The following SLC10A7 variants were observed in gnomAD, a reference collection of about 807,000 sequenced individuals.
SLC10A7 encodes the protein sodium/bile acid cotransporter 7.
SLC10A7 carries 29 observed loss-of-function variants against 43.2 expected under a neutral mutation model. The observed-to-expected ratio is 0.67, with a 90% confidence interval of 0.50 to 0.92. The LOEUF is 0.92. Among genes scored for constraint, SLC10A7 ranks in the 40% least tolerant of loss-of-function variants. The pLI is 0.00. For synonymous variants in SLC10A7, 152 were observed against 144.8 expected (o/e 1.05, Z -0.35); for missense variants, 295 against 403.2 (o/e 0.73, Z 2.30).
intron 4 of SLC10A7, among the ~76,000 whole-genome samples, chr4:146,498,460 G>GCA (rs755338153): frequency 6.6e-6 from 1 of 151,956 alleles, no homozygotes; most frequent in Non-Finnish European, 1.5e-5. Context: ...ACAATTACAT[G>GCA]CACACACACA....
chr4:146,393,798 T>C (rs1322328711), intron 5 of SLC10A7, among the ~76,000 whole-genome samples: 1 of 152,078 alleles, frequency 6.6e-6, no homozygotes, highest in Non-Finnish European at 1.5e-5. Context: ...AAATATAATC[T>C]GAATATAAAA....
intron 4 of SLC10A7, among the ~76,000 whole-genome samples, chr4:146,471,850 C>T (rs1009129334): frequency 6.6e-6 from 1 of 152,134 alleles, no homozygotes; most frequent in African/African-American, 2.4e-5. Context: ...AGGCCACACT[C>T]TTTTCACTAT....
At chr4:146,360,447 T>G (rs1245863091) in intron 5 of SLC10A7, among the ~76,000 whole-genome samples, 1 of 152,160 alleles carries the variant, frequency 6.6e-6, no homozygotes, top group East Asian at 1.9e-4. Flanking sequence ...CTTCTTCTTT[T>G]TTTTAATCTC....
Position 146,482,954 on chromosome 4 carries a change from A to G in SLC10A7, c.396+20895T>C, listed in dbSNP as rs74988100. On this transcript the variant is annotated intron_variant, in intron 4 of 11. Transcript: ENST00000335472. ...AATGATATATTCAAAGTACTGAAAG[A>G]AAAAAAAAACTGACAACCAAGAATA... Among the ~76,000 whole-genome samples, 131 of 148,094 alleles carry G rather than the reference A, an allele frequency of 8.8e-4. 1 individual carries two copies. In the South Asian group the frequency reaches 0.014, roughly 16 times the overall value.
At chr4:146,356,063 T>TATAC in intron 5 of SLC10A7, among the ~76,000 whole-genome samples, 1 of 147,458 alleles carries the variant, frequency 6.8e-6, no homozygotes, top group Non-Finnish European at 1.5e-5. Flanking sequence ...TATATATATA[T>TATAC]ATATACATAT....
intron 5 of SLC10A7, among the ~76,000 whole-genome samples, chr4:146,411,254 C>T (rs920533785): frequency 1.3e-5 from 2 of 152,116 alleles, no homozygotes; most frequent in African/African-American, 2.4e-5. Context: ...CTCATGTCAA[C>T]CTCTACAGAC....
intron 5 of SLC10A7, among the ~76,000 whole-genome samples, chr4:146,377,220 C>T (rs946466785): frequency 5.9e-5 from 9 of 152,028 alleles, no homozygotes; most frequent in African/African-American, 1.9e-4. Flanking sequence ...GAAGAGGAAC[C>T]TTTACTTTAC....
At chr4:146,393,800 A>T (rs1328805215) in intron 5 of SLC10A7, among the ~76,000 whole-genome samples, 1 of 152,128 alleles carries the variant, frequency 6.6e-6, no homozygotes, top group Non-Finnish European at 1.5e-5. Context: ...ATATAATCTG[A>T]ATATAAAATG....
At chr4:146,304,821 C>T (rs1332423652) in intron 7 of SLC10A7, among the ~76,000 whole-genome samples, 11 of 152,016 alleles carry the variant, frequency 7.2e-5, no homozygotes, top group East Asian at 1.9e-4. Flanking sequence ...CTTTCTGTCT[C>T]GTTGATCTGT....
At chr4:146,330,597 T>C (rs1733463914) in intron 5 of SLC10A7, among the ~76,000 whole-genome samples, 1 of 152,196 alleles carries the variant, frequency 6.6e-6, no homozygotes, top group Non-Finnish European at 1.5e-5. Flanking sequence ...GATGCATTCA[T>C]TCTGACAAGA....
At chr4:146,278,838 A>G (rs1161089731) in intron 10 of SLC10A7, among the ~76,000 whole-genome samples, 3 of 152,200 alleles carry the variant, frequency 2.0e-5, no homozygotes, top group Non-Finnish European at 4.4e-5. Context: ...GAACTGGAAC[A>G]GGAATCCAGA....
At chr4:146,338,645 A>C (rs1254630342) in intron 5 of SLC10A7, among the ~76,000 whole-genome samples, 1 of 152,002 alleles carries the variant, frequency 6.6e-6, no homozygotes, top group African/African-American at 2.4e-5. Flanking sequence ...TTGGGTGCAG[A>C]GTTAGTGGAA....
chr4:146,325,161 A>C, intron 6 of SLC10A7, among the ~76,000 whole-genome samples: 1 of 152,246 alleles, frequency 6.6e-6, no homozygotes, highest in East Asian at 1.9e-4. Context: ...TTACATTCCC[A>C]GAAACACATC....
rs140236013 is a variant in SLC10A7, at chr4:146,299,097, T to C, written c.556-5002A>G. On this transcript the variant is annotated intron_variant, in intron 7 of 11. Transcript: ENST00000335472. ...TATTCAGCTCATACTTCCTGGTCTT[T>C]TTCTTCTCCCTCTAGTTCCCATTTT... Among the ~76,000 whole-genome samples, 238 of 152,344 alleles carry C rather than the reference T, an allele frequency of 1.6e-3. 1 individual carries two copies. The highest frequency in any genetic ancestry group is 5.3e-3 in the African/African-American group (221 of 41,574).
chr4:146,325,670 T>C (rs2149706844), intron 6 of SLC10A7, among the ~76,000 whole-genome samples: 1 of 152,210 alleles, frequency 6.6e-6, no homozygotes, highest in East Asian at 1.9e-4. Flanking sequence ...AATGAGAAAA[T>C]AAAGAGCAGC....
intron 2 of SLC10A7, 144 bp from the exon 3 acceptor site, chr4:146,510,193 C>A: frequency 1.9e-6 from 1 of 535,620 alleles, no homozygotes; most frequent in Non-Finnish European, 3.0e-6. Flanking sequence ...TATATGCATA[C>A]AAGACAGAAT....
Position 146,350,734 on chromosome 4 carries a change from G to T in SLC10A7, c.436-24738C>A, listed in dbSNP as rs1380296460. On this transcript the variant is annotated intron_variant, in intron 5 of 11. Coordinates refer to ENST00000335472, the MANE Select transcript of SLC10A7 (RefSeq NM_001029998.6). ...AGTGGTTCCCTGACCCCTGACCCCC[G>T]AGCAGCCTAACTGGGAGGCACCCCC... Among the ~76,000 whole-genome samples the T allele has an allele frequency of 1.6e-4, 13 of 80,408 alleles. No homozygotes were observed. The East Asian group carries it at 4.1e-3, about 25-fold the overall frequency. The allele number at this position is 80,408 out of a possible 152,430, so 52.8% of individuals were successfully genotyped here.
rs1041068900 is a variant in SLC10A7 at position 146,388,048 on chromosome 4, A to AT, written c.435+54734dup. Among the ~76,000 whole-genome samples, 42 of 152,296 alleles carry AT rather than the reference A, an allele frequency of 2.8e-4. 1 individual carries two copies. The highest frequency in any genetic ancestry group is 1.5e-3 in the East Asian group (8 of 5,184). On this transcript the variant is annotated intron_variant, in intron 5 of 11. Coordinates refer to ENST00000335472, the MANE Select transcript of SLC10A7 (RefSeq NM_001029998.6). ...TAATCCCTATCAAATTACCAACATC[A>AT]TTTTTCACAGAATTAGAAAAACAAT...
chr4:146,486,547 A>G (rs781329695), intron 4 of SLC10A7, among the ~76,000 whole-genome samples: 2 of 152,242 alleles, frequency 1.3e-5, no homozygotes, highest in Non-Finnish European at 2.9e-5. Context: ...TTTTAAAAAC[A>G]TATGTGCATG....
Sources: gnomAD v4.1 joint callset for allele counts (sites outside exome capture counted in the v4.1 genomes callset) on GRCh38, gnomAD v4.1.1 for gene constraint, MANE v1.5 for transcripts, NCBI Gene and HGNC (gene_info 2026-07-23, HGNC 2026-07-21) for gene names.